The following ASB18 variants were observed in gnomAD, a reference collection of about 807,000 sequenced individuals.
The protein encoded by ASB18 is ankyrin repeat and SOCS box protein 18.
A neutral mutation model predicts 33.4 loss-of-function variants in ASB18; 33 were observed. The observed-to-expected ratio is 0.99, with a 90% CI of 0.75 to 1.32. ASB18 has a LOEUF of 1.32. Among genes scored for constraint, ASB18 ranks in the 40% most tolerant of loss-of-function variants. The probability of loss-of-function intolerance (pLI) is 0.00; values close to 1 mark genes in which losing one functional copy is unlikely to be tolerated. For synonymous variants in ASB18, 295 were observed against 307.6 expected (o/e 0.96, Z 0.43); for missense variants, 694 against 655.5 (o/e 1.06, Z -0.64).
At chr2:236,233,318 T>C (rs2060575494) in intron 3 of ASB18, among the ~76,000 whole-genome samples, 1 of 152,156 alleles carries the variant, frequency 6.6e-6, no homozygotes, top group South Asian at 2.1e-4. Flanking sequence ...TGCAAAATTT[T>C]ACAGCTAATA....
At position 236,234,690 on chromosome 2, in the gene ASB18, T is replaced by C. The variant is rs1365813172; in HGVS notation, c.596+2999A>G. On this transcript the variant is annotated intron_variant, in intron 3 of 5. Coordinates refer to ENST00000409749, the MANE Select transcript of ASB18 (RefSeq NM_212556.4). The surrounding 1 kb of genome is among the most constrained non-coding windows in gnomAD (Gnocchi z 4.1). Reference sequence around the variant, plus strand: ...GAAAGGAAGGGTTTAGATTCACAAATACTTATTTTCTACTAACAGTGCTGG... The same window carrying C: ...GAAAGGAAGGGTTTAGATTCACAAACACTTATTTTCTACTAACAGTGCTGG... 2.0e-5 allele frequency among the ~76,000 whole-genome samples: 3 copies of C among 152,232 alleles called. No homozygotes were observed. Among genetic ancestry groups the C allele is most frequent in the Admixed American group, 2.0e-4 (3 of 15,286 alleles).
Position 236,245,023 on chromosome 2 carries a change from G to T in ASB18, c.206-3621C>A, listed in dbSNP as rs2060638412. Among the ~76,000 whole-genome samples the T allele has an allele frequency of 6.6e-6, 1 of 152,184 alleles. No individual in the cohort carries two copies. The highest frequency in any genetic ancestry group is 2.4e-5 in the African/African-American group (1 of 41,452). The stretch of plus-strand genomic sequence containing the variant: ...ACGTTTGGCAGTCTATGATGCAGGG[G>T]GATAAGGGACAGAGGCTGTGCTGTG... On this transcript the variant is annotated intron_variant, in intron 1 of 5. Transcript: ENST00000409749. The surrounding 1 kb of genome is among the most constrained non-coding windows in gnomAD (Gnocchi z 4.7).
In ASB18 at chr2:236,195,628, G is replaced by C. The variant is rs1424403139; in HGVS notation, c.1216-571C>G. Among the ~76,000 whole-genome samples the C allele has an allele frequency of 6.6e-6, 1 of 151,770 alleles. No homozygotes were observed. Among genetic ancestry groups the C allele is most frequent in the Non-Finnish European group, 1.5e-5 (1 of 67,996 alleles). On this transcript the variant is annotated intron_variant, in intron 5 of 5. Coordinates refer to ENST00000409749, the MANE Select transcript of ASB18 (RefSeq NM_212556.4). The surrounding 1 kb of genome is among the most constrained non-coding windows in gnomAD (Gnocchi z 5.5). ...CCTCCTGGGCTCAAGCGATTCTCCTGCCTTAGCCTCCTGAGTAACTGGCAT... is the reference window on the plus strand; with the variant it reads ...CCTCCTGGGCTCAAGCGATTCTCCTCCCTTAGCCTCCTGAGTAACTGGCAT...
intron 4 of ASB18, among the ~76,000 whole-genome samples, chr2:236,202,203 G>C (rs1035735664): frequency 6.6e-6 from 1 of 151,814 alleles, no homozygotes; most frequent in African/African-American, 2.4e-5. Context: ...CACCCTCCTC[G>C]GCCTCCCAAA....
At position 236,259,694 on chromosome 2, in the gene ASB18, CA is replaced by C. The variant is rs1280538013; in HGVS notation, c.205+4446del. The C allele has an allele frequency of 2.3e-6, 1 of 429,942 alleles. No homozygotes were observed. The highest frequency in any genetic ancestry group is 4.9e-6 in the Non-Finnish European group (1 of 204,788). The allele number at this position is 429,942 out of a possible 1,614,324, so 26.6% of individuals were successfully genotyped here. On this transcript the variant is annotated intron_variant, in intron 1 of 5. Coordinates refer to ENST00000409749, the MANE Select transcript of ASB18 (RefSeq NM_212556.4). This position sits in a 1 kb window ranked among gnomAD's most constrained non-coding sequence, Gnocchi z 4.4. ...GGGGGCTCAGCCTCAGTGAGCCCAG[CA>C]GGATGTTGGGCATCTCAGGTCCATC...
In ASB18 at chr2:236,217,200, GA is replaced by G. The variant is rs1310614074; in HGVS notation, c.597-2335del. On this transcript the variant is annotated intron_variant, in intron 3 of 5. Transcript: ENST00000409749. This position sits in a 1 kb window ranked among gnomAD's most constrained non-coding sequence, Gnocchi z 5.2. The stretch of plus-strand genomic sequence containing the variant: ...AGGTGAGTGGATCACCTGAGGTCAG[GA>G]GTTTGAGAACAGCCTGGCCAACATG... Among the ~76,000 whole-genome samples, 1 of 152,094 alleles carries G rather than the reference GA, an allele frequency of 6.6e-6. No homozygotes were observed. The highest frequency in any genetic ancestry group is 1.5e-5 in the Non-Finnish European group (1 of 68,018).
rs1305103520 is a variant in ASB18 at position 236,193,672 on chromosome 2, T to TTAA, written c.*1199_*1200insTTA. On this transcript the variant is annotated 3_prime_UTR_variant, in exon 6 of 6. Transcript: ENST00000409749. The surrounding 1 kb of genome is among the most constrained non-coding windows in gnomAD (Gnocchi z 5.0). ...TTAGCCGGGCGTGCTGGCACATGCC[T>TTAA]GTTATCCCAGCTACCAGGAAGGCTG... Among the ~76,000 whole-genome samples, 5 of 152,190 alleles carry TTAA rather than the reference T, an allele frequency of 3.3e-5. No homozygotes were observed. Among genetic ancestry groups the TTAA allele is most frequent in the African/African-American group, 1.2e-4 (5 of 41,454 alleles).
rs973491533 is a variant in ASB18 at position 236,221,286 on chromosome 2, C to T, written c.597-6420G>A. Among the ~76,000 whole-genome samples the T allele has an allele frequency of 1.3e-5, 2 of 152,218 alleles. No homozygotes were observed. The highest frequency in any genetic ancestry group is 4.8e-5 in the African/African-American group (2 of 41,456). On this transcript the variant is annotated intron_variant, in intron 3 of 5. Transcript: ENST00000409749. The surrounding 1 kb of genome is among the most constrained non-coding windows in gnomAD (Gnocchi z 5.6). ...AATAAGGCTGCATTCAAGACTCAAA[C>T]GTCACCTTTTGTGTGTGAGTGGGGA...
chr2:236,237,736 G>C lies in ASB18; in HGVS notation c.549C>G (p.Ala183=), dbSNP rs775866396. 1.0e-5 allele frequency: 15 copies of C among 1,459,248 alleles called. No individual in the cohort carries two copies. In the East Asian group the frequency reaches 4.3e-4, roughly 42 times the overall value. The allele number at this position is 1,459,248 out of a possible 1,614,324, so 90.4% of individuals were successfully genotyped here. The change falls in exon 3 of 6, where the codon GCC becomes GCG. Residue 183 remains alanine, a synonymous_variant. Coordinates refer to ENST00000409749, the MANE Select transcript of ASB18 (RefSeq NM_212556.4). This position sits in a 1 kb window ranked among gnomAD's most constrained non-coding sequence, Gnocchi z 6.2. ...AGAGGTGCAGAGGCGCCAGGCCCTC[G>C]GCGCTGAGCAGGTCGGGGTCGGCGC... is the stretch of plus-strand genomic sequence containing the variant. ...QHRADPDLLS[A]EGLAPLHLCR...
chr2:236,255,303 C>T lies in ASB18; in HGVS notation c.205+8838G>A, dbSNP rs1204863190. 6.6e-6 allele frequency among the ~76,000 whole-genome samples: 1 copy of T among 151,980 alleles called. No homozygotes were observed. The highest frequency in any genetic ancestry group is 2.4e-5 in the African/African-American group (1 of 41,376). On this transcript the variant is annotated intron_variant, in intron 1 of 5. Transcript: ENST00000409749. The surrounding 1 kb of genome is among the most constrained non-coding windows in gnomAD (Gnocchi z 4.4). ...AAATTACAGGCGCCCACCACGACGCCCAGCTAATTTATATATTTTTTGTAG... is the reference window on the plus strand; with the variant it reads ...AAATTACAGGCGCCCACCACGACGCTCAGCTAATTTATATATTTTTTGTAG...
rs1037316511 is a variant in ASB18, at chr2:236,209,445, T to G, written c.1101+4917A>C. ...ATGCCACCATGCCCAGGTAATTTAA[T>G]TTTTTGTGGAGATGGTGTCTCACTA... On this transcript the variant is annotated intron_variant, in intron 4 of 5. Transcript: ENST00000409749. This position sits in a 1 kb window ranked among gnomAD's most constrained non-coding sequence, Gnocchi z 4.4. Among the ~76,000 whole-genome samples the G allele has an allele frequency of 6.6e-6, 1 of 152,102 alleles. No individual in the cohort carries two copies. Among genetic ancestry groups the G allele is most frequent in the East Asian group, 1.9e-4 (1 of 5,186 alleles).
At position 236,205,434 on chromosome 2, in the gene ASB18, A is replaced by T. The variant is rs1013608705; in HGVS notation, c.1101+8928T>A. Among the ~76,000 whole-genome samples, 1 of 152,200 alleles carries T rather than the reference A, an allele frequency of 6.6e-6. No homozygotes were observed. Among genetic ancestry groups the T allele is most frequent in the African/African-American group, 2.4e-5 (1 of 41,452 alleles). On this transcript the variant is annotated intron_variant, in intron 4 of 5. Transcript: ENST00000409749. This position sits in a 1 kb window ranked among gnomAD's most constrained non-coding sequence, Gnocchi z 5.4. Reference sequence around the variant, plus strand: ...TCTCTCAAGTCTTTGTTCAGCAGTCACTGACCCTAACTGCCTGACTTAAAA... The same window carrying T: ...TCTCTCAAGTCTTTGTTCAGCAGTCTCTGACCCTAACTGCCTGACTTAAAA...
At position 236,209,343 on chromosome 2, in the gene ASB18, G is replaced by A. The variant is rs1276861012; in HGVS notation, c.1101+5019C>T. Among the ~76,000 whole-genome samples the A allele has an allele frequency of 6.6e-6, 1 of 151,144 alleles. No individual in the cohort carries two copies. The highest frequency in any genetic ancestry group is 1.9e-4 in the East Asian group (1 of 5,156). ...GCTGGAGTGTAGTATTGCAATCATG[G>A]CTCACTGCAGCTTCCACCCCCTGGG... is the stretch of plus-strand genomic sequence containing the variant. On this transcript the variant is annotated intron_variant, in intron 4 of 5. Coordinates refer to ENST00000409749, the MANE Select transcript of ASB18 (RefSeq NM_212556.4). The surrounding 1 kb of genome is among the most constrained non-coding windows in gnomAD (Gnocchi z 4.4).
In ASB18 at chr2:236,219,410, C is replaced by T. The variant is rs540801777; in HGVS notation, c.597-4544G>A. 2.0e-5 allele frequency among the ~76,000 whole-genome samples: 3 copies of T among 152,278 alleles called. No individual in the cohort carries two copies. The highest frequency in any genetic ancestry group is 1.9e-4 in the East Asian group (1 of 5,174). Reference sequence around the variant, plus strand: ...TTTGGCTTTCCAGGTTCCCAGAATACGCTTGAAATTTCCATCAATCTGTTT... The same window carrying T: ...TTTGGCTTTCCAGGTTCCCAGAATATGCTTGAAATTTCCATCAATCTGTTT... On this transcript the variant is annotated intron_variant, in intron 3 of 5. Coordinates refer to ENST00000409749, the MANE Select transcript of ASB18 (RefSeq NM_212556.4). The surrounding 1 kb of genome is among the most constrained non-coding windows in gnomAD (Gnocchi z 6.4).
intron 1 of ASB18, among the ~76,000 whole-genome samples, chr2:236,242,771 C>G (rs373646941): frequency 9.9e-4 from 148 of 149,730 alleles, no homozygotes; most frequent in African/African-American, 3.3e-3. Context: ...TGGCCAATCC[C>G]AGCACTTTGG....
chr2:236,249,665 G>T lies in ASB18; in HGVS notation c.206-8263C>A, dbSNP rs1204339521. On this transcript the variant is annotated intron_variant, in intron 1 of 5. Coordinates refer to ENST00000409749, the MANE Select transcript of ASB18 (RefSeq NM_212556.4). The surrounding 1 kb of genome is among the most constrained non-coding windows in gnomAD (Gnocchi z 4.6). ...TTTAGTATTTTTAGTTTTTCAAATG[G>T]TGTACTTATTTGACAGAGGAAGCTT... 6.6e-6 allele frequency: 1 copy of T among 152,094 alleles called. No individual in the cohort carries two copies. The highest frequency in any genetic ancestry group is 1.5e-5 in the Non-Finnish European group (1 of 68,022). 9.4% of individuals were successfully genotyped at this position (152,094 alleles called of 1,614,324 possible).
intron 3 of ASB18, among the ~76,000 whole-genome samples, chr2:236,232,590 T>G (rs1260033777): frequency 3.3e-5 from 5 of 152,026 alleles, no homozygotes; most frequent in Non-Finnish European, 7.4e-5. Flanking sequence ...TCTAGTATCA[T>G]GAATGAGAGA....
rs899732643 is a variant in ASB18, at chr2:236,245,475, C to T, written c.206-4073G>A. On this transcript the variant is annotated intron_variant, in intron 1 of 5. Transcript: ENST00000409749. This position sits in a 1 kb window ranked among gnomAD's most constrained non-coding sequence, Gnocchi z 4.7. ...ACCGTTGTCCCTGGAGCATGCCACACCTTAGTATAGGGGTCTGCAGTCCCC... is the reference window on the plus strand; with the variant it reads ...ACCGTTGTCCCTGGAGCATGCCACATCTTAGTATAGGGGTCTGCAGTCCCC... Among the ~76,000 whole-genome samples the T allele has an allele frequency of 5.3e-5, 8 of 152,228 alleles. No individual in the cohort carries two copies. The highest frequency in any genetic ancestry group is 1.9e-4 in the African/African-American group (8 of 41,458).
chr2:236,196,007 A>C lies in ASB18; in HGVS notation c.1215+265T>G. ...TCTGGCCTTTCTTTGGACACTGGTT[A>C]AGGAACCCTCGCGCTTTTCAGGCCA... is the stretch of plus-strand genomic sequence containing the variant. On this transcript the variant is annotated intron_variant, in intron 5 of 5. Coordinates refer to ENST00000409749, the MANE Select transcript of ASB18 (RefSeq NM_212556.4). This position sits in a 1 kb window ranked among gnomAD's most constrained non-coding sequence, Gnocchi z 5.6. 2.1e-6 allele frequency: 1 copy of C among 476,470 alleles called. No individual in the cohort carries two copies. The allele number at this position is 476,470 out of a possible 1,614,324, so 29.5% of individuals were successfully genotyped here.
Sources: allele counts gnomAD v4.1 joint callset (sites outside exome capture counted in the v4.1 genomes callset), GRCh38; gene constraint gnomAD v4.1.1; non-coding constraint Gnocchi (gnomAD v3.1); transcripts MANE v1.5; gene names NCBI Gene and HGNC (gene_info 2026-07-23, HGNC 2026-07-21).